LHFPL6: variants seen among roughly 807,000 people sequenced by gnomAD.
The protein encoded by LHFPL6 is LHFPL tetraspan subfamily member 6 protein.
A neutral mutation model predicts 20.6 loss-of-function variants in LHFPL6; 9 were observed. The ratio of observed to expected loss-of-function variants is 0.44; its 90% CI spans 0.26 to 0.76. LHFPL6 has a LOEUF of 0.76. Ranked by LOEUF, LHFPL6 falls within the 30% of genes least tolerant of loss-of-function variation. The probability of loss-of-function intolerance (pLI) is 0.20; values close to 1 mark genes in which losing one functional copy is unlikely to be tolerated. For synonymous variants in LHFPL6, 105 were observed against 98.7 expected, an observed-to-expected ratio of 1.06 and a Z score of -0.38; for missense variants, 218 against 253.5, an observed-to-expected ratio of 0.86 and a Z score of 0.95.
intron 3 of LHFPL6, among the ~76,000 whole-genome samples, chr13:39,367,093 A>T (rs1870032747): frequency 6.6e-6 from 1 of 152,226 alleles, no homozygotes; most frequent in Admixed American, 6.5e-5. Context: ...TCCTAAGTGG[A>T]AGCATATTCA....
intron 2 of LHFPL6, among the ~76,000 whole-genome samples, chr13:39,393,957 T>G (rs533401414): frequency 7.2e-5 from 11 of 152,280 alleles, no homozygotes; most frequent in South Asian, 2.1e-4. Context: ...TTTTCTTTCA[T>G]AGAGATGGAG....
chr13:39,572,288 C>CTCTCTGTGTGTG (rs1441566883), intron 2 of LHFPL6, among the ~76,000 whole-genome samples: 22 of 143,510 alleles, frequency 1.5e-4, no homozygotes, highest in Middle Eastern at 3.5e-3. Flanking sequence ...TTTTTAAACT[C>CTCTCTGTGTGTG]TGTGTGTGTG....
chr13:39,370,395 A>G (rs532535076), intron 3 of LHFPL6, among the ~76,000 whole-genome samples: 1 of 152,338 alleles, frequency 6.6e-6, no homozygotes, highest in Admixed American at 6.5e-5. Flanking sequence ...AGTGACTTGG[A>G]TTTAAGTGTC....
At chr13:39,499,250 G>GC (rs138498329) in intron 2 of LHFPL6, among the ~76,000 whole-genome samples, 47,304 of 123,604 alleles carry the variant, frequency 0.38, 7,823 homozygotes, top group Middle Eastern at 0.5. Context: ...GCAATGAGCT[G>GC]TTTTTCTTTT....
chr13:39,367,463 G>A (rs1401234987), intron 3 of LHFPL6, among the ~76,000 whole-genome samples: 1 of 152,200 alleles, frequency 6.6e-6, no homozygotes, highest in East Asian at 1.9e-4. Context: ...CTTCTTGTAA[G>A]CAGAGGTGCG....
At chr13:39,580,096 A>C (rs1283768612) in intron 2 of LHFPL6, among the ~76,000 whole-genome samples, 1 of 152,192 alleles carries the variant, frequency 6.6e-6, no homozygotes, top group Non-Finnish European at 1.5e-5. Context: ...TGTACTTTTA[A>C]TTGGTCTCAG....
chr13:39,446,273 A>G (rs989945469), intron 2 of LHFPL6, among the ~76,000 whole-genome samples: 1 of 152,146 alleles, frequency 6.6e-6, no homozygotes, highest in Non-Finnish European at 1.5e-5. Flanking sequence ...TCTTTTGTGT[A>G]TGTATCTATG....
rs778859291 is a variant in LHFPL6 at position 39,343,951 on chromosome 13, C to T, written c.588G>A (p.Lys196=). The change falls in exon 4 of 4, where the codon AAG becomes AAA. Residue 196 remains lysine (K), a synonymous_variant. Transcript: ENST00000379589. The part of the protein sequence containing the change: ...WLACFSGKKQ[K]HYPY ...TAGCTCCATCTCAGTATGGGTAGTGCTTCTGTTTCTTGCCCGAAAAGCAAG... is the reference window on the plus strand; with the variant it reads ...TAGCTCCATCTCAGTATGGGTAGTGTTTCTGTTTCTTGCCCGAAAAGCAAG... 1.2e-6 allele frequency: 2 copies of T among 1,613,718 alleles called. No homozygotes were observed. The highest frequency in any genetic ancestry group is 1.7e-6 in the Non-Finnish European group (2 of 1,179,884).
intron 2 of LHFPL6, among the ~76,000 whole-genome samples, chr13:39,486,554 G>A (rs1868732801): frequency 6.6e-6 from 1 of 152,190 alleles, no homozygotes; most frequent in African/African-American, 2.4e-5. Flanking sequence ...ACACAGGGGT[G>A]TAAACTGTAT....
At chr13:39,457,770 C>T (rs569393647) in intron 2 of LHFPL6, among the ~76,000 whole-genome samples, 8 of 152,146 alleles carry the variant, frequency 5.3e-5, no homozygotes, top group African/African-American at 1.9e-4. Context: ...ATTCCTCAGG[C>T]CACACCCTTA....
At chr13:39,589,397 C>T (rs1286797456) in intron 2 of LHFPL6, among the ~76,000 whole-genome samples, 1 of 152,118 alleles carries the variant, frequency 6.6e-6, no homozygotes, top group Non-Finnish European at 1.5e-5. Context: ...ATGTGAGTCA[C>T]CGCACCCAGC....
chr13:39,583,861 C>T (rs1203406747), intron 2 of LHFPL6, among the ~76,000 whole-genome samples: 1 of 152,114 alleles, frequency 6.6e-6, no homozygotes, highest in Non-Finnish European at 1.5e-5. Flanking sequence ...ACCCATCCTC[C>T]CTCGTGTCCT....
Position 39,526,936 on chromosome 13 carries a change from A to G in LHFPL6, c.385+73896T>C, listed in dbSNP as rs562223679. Among the ~76,000 whole-genome samples, 277 of 152,356 alleles carry G rather than the reference A, an allele frequency of 1.8e-3. 1 individual carries two copies. Among genetic ancestry groups the G allele is most frequent in the Middle Eastern group, 0.01 (3 of 294 alleles). Reference sequence around the variant, plus strand: ...ACTTTGACTTGACTTACTTTTGTTCAGAAAAATCAACCTTCGAATTACATA... The same window carrying G: ...ACTTTGACTTGACTTACTTTTGTTCGGAAAAATCAACCTTCGAATTACATA... On this transcript the variant is annotated intron_variant, in intron 2 of 3. Coordinates refer to ENST00000379589, the MANE Select transcript of LHFPL6 (RefSeq NM_005780.3).
chr13:39,501,345 T>C (rs1388431133), intron 2 of LHFPL6, among the ~76,000 whole-genome samples: 1 of 152,196 alleles, frequency 6.6e-6, no homozygotes, highest in Non-Finnish European at 1.5e-5. Context: ...TCTATTACTT[T>C]GCGCTACAGT....
At chr13:39,512,347 A>C (rs1364145350) in intron 2 of LHFPL6, among the ~76,000 whole-genome samples, 1 of 152,216 alleles carries the variant, frequency 6.6e-6, no homozygotes, top group Non-Finnish European at 1.5e-5. Flanking sequence ...TCACGCCTGT[A>C]ATCCCAGCAC....
intron 2 of LHFPL6, among the ~76,000 whole-genome samples, chr13:39,417,448 A>G (rs901828645): frequency 5.3e-5 from 8 of 152,038 alleles, no homozygotes; most frequent in African/African-American, 1.9e-4. Context: ...TTGCCTTTTG[A>G]AAATACATCT....
chr13:39,450,283 T>C (rs1304078754), intron 2 of LHFPL6, among the ~76,000 whole-genome samples: 3 of 152,110 alleles, frequency 2.0e-5, no homozygotes, highest in Non-Finnish European at 4.4e-5. Context: ...AGCACAATAG[T>C]CTGGGGATAC....
chr13:39,529,663 A>G (rs1225976984), intron 2 of LHFPL6, among the ~76,000 whole-genome samples: 3 of 152,202 alleles, frequency 2.0e-5, no homozygotes, highest in Non-Finnish European at 4.4e-5. Flanking sequence ...TCTTACCTCC[A>G]ACACACAAAT....
chr13:39,560,502 C>A (rs1179505162), intron 2 of LHFPL6, among the ~76,000 whole-genome samples: 2 of 93,274 alleles, frequency 2.1e-5, no homozygotes, highest in Non-Finnish European at 4.6e-5. Context: ...TATGCAAATT[C>A]TCTTTTTTTT....
Sources: allele counts gnomAD v4.1 joint callset (sites outside exome capture counted in the v4.1 genomes callset), GRCh38; gene constraint gnomAD v4.1.1; transcripts MANE v1.5; gene names NCBI Gene and HGNC (gene_info 2026-07-23, HGNC 2026-07-21).